The following CCDC171 variants were observed in gnomAD, a reference collection of about 807,000 sequenced individuals.
CCDC171 encodes coiled-coil domain containing 171.
In CCDC171, 177 loss-of-function variants were observed where a neutral mutation model predicts 168.2. That is an observed-to-expected ratio of 1.05 (90% CI 0.93 to 1.19). CCDC171 has a LOEUF of 1.19. CCDC171 is among the 50% of genes most tolerant of loss of function. The probability of loss-of-function intolerance (pLI) is 0.00; values close to 1 mark genes in which losing one functional copy is unlikely to be tolerated. For missense variants in CCDC171, 1,991 were observed against 1,539.0 expected (o/e 1.29, Z -4.91); for synonymous variants, 687 against 540.8 (o/e 1.27, Z -3.75).
intron 2 of CCDC171, among the ~76,000 whole-genome samples, chr9:15,565,437 G>A (rs921649379): frequency 2.6e-5 from 4 of 152,100 alleles, no homozygotes; most frequent in Admixed American, 6.6e-5. Context: ...TCCTGCATCA[G>A]CCTCCCAAGT....
intron 23 of CCDC171, among the ~76,000 whole-genome samples, chr9:15,859,564 C>A (rs1050578996): frequency 6.6e-6 from 1 of 151,788 alleles, no homozygotes; most frequent in Non-Finnish European, 1.5e-5. Flanking sequence ...AATCTCCTTA[C>A]TATTGTTCAA....
intron 7 of CCDC171, among the ~76,000 whole-genome samples, chr9:15,635,921 C>A (rs574379022): frequency 6.6e-6 from 1 of 152,098 alleles, no homozygotes; most frequent in Non-Finnish European, 1.5e-5. Flanking sequence ...TATAAGGGTT[C>A]TAGTTTCTCT....
chr9:15,845,667 G>A (rs1563857946), intron 21 of CCDC171: 1 of 151,878 alleles, frequency 6.6e-6, no homozygotes, highest in African/African-American at 2.4e-5. Flanking sequence ...GGATGTTAAT[G>A]TGTGGCTAAA....
chr9:16,080,089 T>C, the CCDC171 span, among the ~76,000 whole-genome samples: 2 of 152,192 alleles, frequency 1.3e-5, no homozygotes, highest in East Asian at 3.8e-4. Flanking sequence ...GTGACTTTAT[T>C]TTCTGCTCTA....
At chr9:15,588,139 G>T (rs1470545887) in intron 4 of CCDC171, among the ~76,000 whole-genome samples, 1 of 152,158 alleles carries the variant, frequency 6.6e-6, no homozygotes, top group Non-Finnish European at 1.5e-5. Context: ...GGAGGCTGAG[G>T]TGGGAGAATC....
intron 21 of CCDC171, among the ~76,000 whole-genome samples, chr9:15,817,281 G>A (rs2136044962): frequency 1.7e-5 from 2 of 117,916 alleles, no homozygotes; most frequent in Middle Eastern, 9.0e-3. Flanking sequence ...CGCAGAAGAT[G>A]GGTGATTTCT....
At chr9:15,654,810 G>A (rs1052715883) in intron 7 of CCDC171, among the ~76,000 whole-genome samples, 18 of 152,188 alleles carry the variant, frequency 1.2e-4, no homozygotes, top group Non-Finnish European at 1.5e-4. Flanking sequence ...GTGCAGGACA[G>A]TGGGTGCAGT....
intron 3 of CCDC171, among the ~76,000 whole-genome samples, chr9:15,991,674 G>A (rs1832205122): frequency 6.6e-6 from 1 of 152,070 alleles, no homozygotes; most frequent in Non-Finnish European, 1.5e-5. Flanking sequence ...AAAATTGATA[G>A]ACCGCTAGCA....
intron 21 of CCDC171, among the ~76,000 whole-genome samples, chr9:15,804,930 G>C (rs1033719442): frequency 1.1e-4 from 16 of 152,006 alleles, no homozygotes; most frequent in Non-Finnish European, 1.5e-4. Context: ...CTCAATTTCA[G>C]AACTCATTAT....
intron 3 of CCDC171, among the ~76,000 whole-genome samples, chr9:16,001,979 G>A (rs1297370858): frequency 6.6e-6 from 1 of 151,122 alleles, no homozygotes; most frequent in Non-Finnish European, 1.5e-5. Flanking sequence ...TGGGACTACA[G>A]GCAGGAGCCA....
At chr9:15,678,356 G>T (rs2049789213) in intron 9 of CCDC171, among the ~76,000 whole-genome samples, 1 of 152,136 alleles carries the variant, frequency 6.6e-6, no homozygotes, top group African/African-American at 2.4e-5. Flanking sequence ...ACATTCAGAT[G>T]TGAGACATTT....
At chr9:15,983,520 G>GTGTGTGTGTGTTGGCATTTGGAAATC (rs1831872642) in intron 3 of CCDC171, among the ~76,000 whole-genome samples, 1 of 145,798 alleles carries the variant, frequency 6.9e-6, no homozygotes, top group South Asian at 2.2e-4. Flanking sequence ...GTGAGAGAGA[G>GTGTGTGTGTGTTGGCATTTGGAAATC]AGAATCTCTG....
intron 6 of CCDC171, among the ~76,000 whole-genome samples, chr9:16,024,957 A>T (rs1429637295): frequency 6.6e-6 from 1 of 152,202 alleles, no homozygotes; most frequent in Non-Finnish European, 1.5e-5. Flanking sequence ...CCATTCCCAG[A>T]CATGGGACTT....
At chr9:16,077,259 G>A in the CCDC171 span, among the ~76,000 whole-genome samples, 2 of 152,250 alleles carry the variant, frequency 1.3e-5, no homozygotes, top group South Asian at 4.1e-4. Flanking sequence ...CAAACCCTGT[G>A]GTTTGGACAG....
At chr9:16,026,274 A>G (rs541513444) in intron 6 of CCDC171, among the ~76,000 whole-genome samples, 1 of 152,256 alleles carries the variant, frequency 6.6e-6, no homozygotes, top group South Asian at 2.1e-4. Context: ...TTGGATAGAC[A>G]GGGAGATTCA....
chr9:15,716,004 G>A (rs1236192452), intron 11 of CCDC171, among the ~76,000 whole-genome samples: 4 of 152,150 alleles, frequency 2.6e-5, no homozygotes, highest in South Asian at 2.1e-4. Flanking sequence ...GGGAGAGATC[G>A]AAACAGGGTA....
chr9:15,634,502 G>A (rs1015364488), intron 7 of CCDC171, among the ~76,000 whole-genome samples: 1 of 152,110 alleles, frequency 6.6e-6, no homozygotes, highest in Non-Finnish European at 1.5e-5. Flanking sequence ...GTATTTCTGT[G>A]TTCAGCTTCT....
At chr9:15,554,467 T>A (rs1274058922) in intron 1 of CCDC171, among the ~76,000 whole-genome samples, 1 of 152,160 alleles carries the variant, frequency 6.6e-6, no homozygotes, top group African/African-American at 2.4e-5. Context: ...TCTTAGTTTG[T>A]AGCTTTCTGT....
chr9:15,983,817 AGTGTGTGT>A (rs58951910), intron 3 of CCDC171, among the ~76,000 whole-genome samples: 4 of 142,530 alleles, frequency 2.8e-5, no homozygotes, highest in Admixed American at 7.1e-5. Flanking sequence ...AAATAAAGAG[AGTGTGTGT>A]GTGTGTGTGT....
Sources: gnomAD v4.1 joint callset for allele counts (sites outside exome capture counted in the v4.1 genomes callset) on GRCh38, gnomAD v4.1.1 for gene constraint, MANE v1.5 for transcripts, NCBI Gene and HGNC (gene_info 2026-07-23, HGNC 2026-07-21) for gene names.